Variants in ABCB4 observed in about 807,000 individuals in gnomAD.
The protein encoded by ABCB4 is ATP binding cassette subfamily B member 4.
Under a neutral mutation model 145.7 loss-of-function variants are expected in ABCB4, and 76 were observed. The observed-to-expected ratio is 0.52, with a 90% CI of 0.43 to 0.63. The LOEUF is 0.63. Among genes scored for constraint, ABCB4 ranks in the 30% least tolerant of loss-of-function variants. The pLI, the probability that ABCB4 is intolerant of heterozygous loss-of-function variation, is 0.00. For synonymous variants in ABCB4, 517 were observed against 566.8 expected, an observed-to-expected ratio of 0.91 and a Z score of 1.25; for missense variants, 1,234 against 1,553.1, an observed-to-expected ratio of 0.79 and a Z score of 3.45.
chr7:87,422,204 C>A lies in ABCB4; in HGVS notation c.2233G>T (p.Ala745Ser). 1 of 1,613,532 alleles carries A rather than the reference C, an allele frequency of 6.2e-7. No homozygotes were observed. The highest frequency in any genetic ancestry group is 8.5e-7 in the Non-Finnish European group (1 of 1,179,600). Residue 745 changes from alanine (A) to serine (S), a missense_variant, in exon 18 of 28, where the codon GCA (alanine) becomes TCA (serine). By Grantham distance (99) the Ala-to-Ser change is moderately conservative. Around this residue, in one of 7 missense-constraint regions of ABCB4, gnomAD observed 321 missense variants for 332.6 expected, o/e 0.97. Coordinates refer to ENST00000649586, the MANE Select transcript of ABCB4 (RefSeq NM_000443.4). The part of the protein sequence containing the change: ...IIAIFGPGDD[A>S]VKQQKCNIFS... ...ATGTTGCACTTCTGCTGCTTCACTG[C>A]ATCATCGCCTGGTCCAAAAATCTAC...
chr7:87,446,393 C>G (rs1275655306), intron 9 of ABCB4, among the ~76,000 whole-genome samples: 1 of 152,030 alleles, frequency 6.6e-6, no homozygotes, highest in African/African-American at 2.4e-5. Flanking sequence ...AGTATGATCC[C>G]AGTTTTGAAA....
the ABCB4 span, among the ~76,000 whole-genome samples, chr7:87,371,697 A>G: frequency 1.3e-5 from 2 of 152,126 alleles, no homozygotes; most frequent in Non-Finnish European, 2.9e-5. Flanking sequence ...AACTTAAAAC[A>G]TATCTGGTGA....
chr7:87,396,036 T>C, the ABCB4 span, among the ~76,000 whole-genome samples: 1 of 152,152 alleles, frequency 6.6e-6, no homozygotes, highest in Non-Finnish European at 1.5e-5. Context: ...TATGTCCAGA[T>C]GTACATGATT....
intron 14 of ABCB4, among the ~76,000 whole-genome samples, chr7:87,432,427 A>T (rs1299663070): frequency 3.9e-5 from 6 of 152,240 alleles, no homozygotes; most frequent in Non-Finnish European, 7.3e-5. Flanking sequence ...CATATAAATT[A>T]AAAATGAGAG....
rs1036635176 is a variant in ABCB4 at position 87,418,764 on chromosome 7, C to T, written c.2395-144G>A. 7.9e-6 allele frequency: 6 copies of T among 755,734 alleles called. No homozygotes were observed. In the African/African-American group the frequency reaches 1.0e-4, roughly 13 times the overall value. The allele number at this position is 755,734 out of a possible 1,614,324, so 46.8% of individuals were successfully genotyped here. Reference sequence around the variant, plus strand: ...AGAGTCCCTGGCCTTGCTCTGAGCACACACCCCCAGAATCTAGCAGAACCC... The same window carrying T: ...AGAGTCCCTGGCCTTGCTCTGAGCATACACCCCCAGAATCTAGCAGAACCC... On this transcript the variant is annotated intron_variant, in intron 19 of 27. Transcript: ENST00000649586.
chr7:87,421,583 T>C (rs1809439547), intron 18 of ABCB4, among the ~76,000 whole-genome samples: 2 of 152,244 alleles, frequency 1.3e-5, no homozygotes, highest in Admixed American at 1.3e-4. Context: ...GATTGTATTA[T>C]ATTCGAAAGG....
intron 10 of ABCB4, 21 bp downstream of exon 10, chr7:87,444,841 C>T: frequency 2.6e-6 from 4 of 1,568,614 alleles, no homozygotes; most frequent in Non-Finnish European, 2.6e-6. Context: ...TCTTTTGGCA[C>T]TAAAATAATA....
chr7:87,434,738 C>T (rs1810497091), intron 14 of ABCB4, among the ~76,000 whole-genome samples: 1 of 146,186 alleles, frequency 6.8e-6, no homozygotes, highest in African/African-American at 2.5e-5. Flanking sequence ...CAGAGCGAGA[C>T]TCCGTCTCAA....
At chr7:87,376,815 C>A in the ABCB4 span, among the ~76,000 whole-genome samples, 395 of 152,080 alleles carry the variant, frequency 2.6e-3, 1 homozygote, top group African/African-American at 9.0e-3. Context: ...TCACAGAGCA[C>A]TAATTACTTT....
At chr7:87,435,524 C>T (rs1413250446) in intron 14 of ABCB4, among the ~76,000 whole-genome samples, 3 of 152,158 alleles carry the variant, frequency 2.0e-5, no homozygotes, top group East Asian at 1.9e-4. Flanking sequence ...ACCCTGGAAC[C>T]GCAGTGAAAG....
At chr7:87,442,505 A>G (rs1160999779) in intron 12 of ABCB4, among the ~76,000 whole-genome samples, 6 of 152,200 alleles carry the variant, frequency 3.9e-5, no homozygotes, top group Admixed American at 2.0e-4. Context: ...AATTCTGAAT[A>G]TAGCTCGTGG....
At chr7:87,378,334 A>G in the ABCB4 span, among the ~76,000 whole-genome samples, 1 of 119,768 alleles carries the variant, frequency 8.3e-6, no homozygotes, top group Non-Finnish European at 1.8e-5. Flanking sequence ...AAACAGACTG[A>G]GACTCCGACT....
chr7:87,417,611 T>C (rs2116467057), intron 20 of ABCB4, 96 bp from the exon 21 acceptor site: 6 of 973,786 alleles, frequency 6.2e-6, no homozygotes, highest in Non-Finnish European at 9.8e-6. Context: ...GTGGGTTCTA[T>C]GCCTGAGCTA....
chr7:87,463,015 T>C (rs1584783518), intron 3 of ABCB4, 107 bp from the exon 4 acceptor site: 1 of 1,011,398 alleles, frequency 9.9e-7, no homozygotes, highest in African/African-American at 1.6e-5. Context: ...TTTTTAAGAG[T>C]TGTAAATGAA....
intron 23 of ABCB4, 113 bp downstream of exon 23, chr7:87,411,780 A>C: frequency 1.0e-6 from 1 of 958,102 alleles, no homozygotes; most frequent in Non-Finnish European, 1.6e-6. Context: ...GTAAATTTAA[A>C]TCCCTGACCT....
chr7:87,407,243 A>G, intron 25 of ABCB4, among the ~76,000 whole-genome samples: 1 of 152,228 alleles, frequency 6.6e-6, no homozygotes, highest in East Asian at 1.9e-4. Context: ...AAAGAAAAAA[A>G]TTCCCACCAT....
the ABCB4 span, chr7:87,392,998 G>A: frequency 1.9e-6 from 3 of 1,613,616 alleles, no homozygotes; most frequent in Non-Finnish European, 2.5e-6. Flanking sequence ...GGCTATTTAC[G>A]AGTCCAGGGA....
At chr7:87,418,264 C>G (rs1305959559) in intron 20 of ABCB4, among the ~76,000 whole-genome samples, 1 of 152,200 alleles carries the variant, frequency 6.6e-6, no homozygotes, top group African/African-American at 2.4e-5. Context: ...GCCTGTAGTT[C>G]TAATTACTAT....
chr7:87,446,281 G>T (rs1811338975), intron 9 of ABCB4, among the ~76,000 whole-genome samples: 1 of 152,094 alleles, frequency 6.6e-6, no homozygotes, highest in Non-Finnish European at 1.5e-5. Context: ...GATGTTAAAA[G>T]ATTTCTATTT....
Sources: gnomAD v4.1 joint callset for allele counts (sites outside exome capture counted in the v4.1 genomes callset) on GRCh38, gnomAD v4.1.1 for gene constraint, gnomAD v4.1.1 regional missense constraint, MANE v1.5 for transcripts, NCBI Gene and HGNC (gene_info 2026-07-23, HGNC 2026-07-21) for gene names.